The following JADE1 variants were observed in gnomAD, a reference collection of about 807,000 sequenced individuals.
JADE1 encodes protein Jade-1.
A neutral mutation model predicts 81.8 loss-of-function variants in JADE1; 14 were observed. The ratio of observed to expected loss-of-function variants is 0.17; its 90% CI spans 0.11 to 0.27. The LOEUF (loss-of-function observed/expected upper bound fraction) is 0.27. Among genes scored for constraint, JADE1 ranks in the 10% least tolerant of loss-of-function variants. JADE1 has a pLI of 1.00. For synonymous variants in JADE1, 353 were observed against 391.9 expected (o/e 0.90, Z 1.17); for missense variants, 690 against 1,047.9 (o/e 0.66, Z 4.71).
chr4:128,821,424 A>G lies in JADE1; in HGVS notation c.-26-10309A>G, dbSNP rs556001589. 3.3e-5 allele frequency among the ~76,000 whole-genome samples: 5 copies of G among 152,166 alleles called. No homozygotes were observed. The South Asian group carries it at 1.0e-3, about 32-fold the overall frequency. On this transcript the variant is annotated intron_variant, in intron 1 of 10. Transcript: ENST00000226319. ...CATAATTGCCAGCTACCTCTTGAACATAGCCTTTTTAAATTTTTTCCAAAG... is the reference window on the plus strand; with the variant it reads ...CATAATTGCCAGCTACCTCTTGAACGTAGCCTTTTTAAATTTTTTCCAAAG...
chr4:128,820,156 G>A (rs1727431121), intron 1 of JADE1, among the ~76,000 whole-genome samples: 1 of 151,460 alleles, frequency 6.6e-6, no homozygotes, highest in Admixed American at 6.6e-5. Context: ...TTGTCACCCA[G>A]GTTGGAGTGC....
intron 5 of JADE1, among the ~76,000 whole-genome samples, 173 bp downstream of exon 5, chr4:128,849,340 G>C (rs955262878): frequency 6.6e-6 from 1 of 152,190 alleles, no homozygotes; most frequent in African/African-American, 2.4e-5. Context: ...GGCTGTGTCA[G>C]ATGTGCTGAG....
chr4:128,863,811 T>A (rs1731570316), intron 9 of JADE1: 1 of 985,324 alleles, frequency 1.0e-6, no homozygotes, highest in Admixed American at 6.2e-5. Context: ...CCTGCTGTAA[T>A]TGGGGTGCAT....
chr4:128,846,366 C>T lies in JADE1; in HGVS notation c.139-9C>T, dbSNP rs1011324195. The T allele has an allele frequency of 6.2e-7, 1 of 1,613,232 alleles. No individual in the cohort carries two copies. Among genetic ancestry groups the T allele is most frequent in the East Asian group, 2.2e-5 (1 of 44,882 alleles). On this transcript the variant is annotated splice_polypyrimidine_tract_variant and intron_variant, in intron 3 of 10. Transcript: ENST00000226319. The surrounding 1 kb of genome is among the most constrained non-coding windows in gnomAD (Gnocchi z 4.0). The stretch of plus-strand genomic sequence containing the variant: ...TCAAATGTCAGTGTCCCTTTCTCTT[C>T]CTTTCCAGGTGTTTAGGACAGACCT...
intron 1 of JADE1, among the ~76,000 whole-genome samples, chr4:128,819,338 C>T (rs577895554): frequency 8.8e-4 from 134 of 152,210 alleles, no homozygotes; most frequent in Non-Finnish European, 1.5e-3. Context: ...GGCACGATCA[C>T]GGCTCAGCAA....
chr4:128,838,977 G>A (rs544692487), intron 2 of JADE1, among the ~76,000 whole-genome samples: 5 of 152,196 alleles, frequency 3.3e-5, no homozygotes, highest in South Asian at 2.1e-4. Flanking sequence ...GAGCTCAAAC[G>A]CATGTCTTCT....
intron 2 of JADE1, among the ~76,000 whole-genome samples, chr4:128,837,932 G>A (rs13143277): frequency 0.027 from 4,147 of 152,280 alleles, 83 homozygotes; most frequent in South Asian, 0.055. Flanking sequence ...AACCTTTCAT[G>A]CATGGCACAA....
intron 9 of JADE1, among the ~76,000 whole-genome samples, chr4:128,866,792 T>A (rs1241599251): frequency 2.6e-5 from 4 of 152,226 alleles, no homozygotes; most frequent in African/African-American, 9.6e-5. Flanking sequence ...CTACCACTCC[T>A]GCCACTGAGA....
At chr4:128,830,563 A>G (rs766181628) in intron 1 of JADE1, among the ~76,000 whole-genome samples, 5 of 152,108 alleles carry the variant, frequency 3.3e-5, no homozygotes, top group African/African-American at 4.8e-5. Flanking sequence ...CACATCATAC[A>G]TATTGTGATT....
chr4:128,851,240 G>A (rs1730328920), intron 5 of JADE1, among the ~76,000 whole-genome samples: 3 of 152,172 alleles, frequency 2.0e-5, no homozygotes, highest in African/African-American at 4.8e-5. Context: ...TTTTGCATTT[G>A]GTTAACTATG....
intron 6 of JADE1, 40 bp downstream of exon 6, chr4:128,852,308 C>A: frequency 6.5e-7 from 1 of 1,538,060 alleles, no homozygotes; most frequent in Non-Finnish European, 9.0e-7. Context: ...AAACCTGGGG[C>A]ATGAGCCTGT....
Position 128,871,923 on chromosome 4 carries a change from T to C in JADE1, c.2190T>C (p.Tyr730=), listed in dbSNP as rs1385383161. 3.1e-6 allele frequency: 5 copies of C among 1,613,930 alleles called. No individual in the cohort carries two copies. The highest frequency in any genetic ancestry group is 4.2e-6 in the Non-Finnish European group (5 of 1,179,978). Residue 730 remains tyrosine (Y), a synonymous_variant, in exon 11 of 11, where the codon TAT becomes TAC. Transcript: ENST00000226319. This position sits in a 1 kb window ranked among gnomAD's most constrained non-coding sequence, Gnocchi z 4.1. ...KCNGSLIKVN[Y]NQTAVKVPTT... is the part of the protein sequence containing the mutation. ...ATGGCTCCCTAATCAAAGTAAACTA[T>C]AATCAGACTGCAGTCAAAGTGCCTA... is the stretch of plus-strand genomic sequence containing the variant.
At chr4:128,833,632 T>G (rs547209742) in intron 2 of JADE1, among the ~76,000 whole-genome samples, 3 of 152,248 alleles carry the variant, frequency 2.0e-5, no homozygotes, top group African/African-American at 7.2e-5. Context: ...AGACGGAGGT[T>G]GCAGTGAGCC....
intron 1 of JADE1, among the ~76,000 whole-genome samples, chr4:128,824,542 A>C (rs1316250442): frequency 2.6e-5 from 4 of 152,240 alleles, no homozygotes; most frequent in Non-Finnish European, 5.9e-5. Flanking sequence ...ATTTGACAGA[A>C]TGGAAGGGCA....
At chr4:128,868,342 A>T (rs1273534976) in intron 10 of JADE1, among the ~76,000 whole-genome samples, 1 of 152,232 alleles carries the variant, frequency 6.6e-6, no homozygotes, top group Admixed American at 6.5e-5. Context: ...CATCATGGGG[A>T]TACCTAACAG....
intron 1 of JADE1, among the ~76,000 whole-genome samples, chr4:128,818,486 G>C (rs1215042523): frequency 6.6e-6 from 1 of 152,138 alleles, no homozygotes; most frequent in Admixed American, 6.6e-5. Flanking sequence ...TCGGTTGCTT[G>C]TCCAGCACCT....
chr4:128,829,643 A>G (rs1728365255), intron 1 of JADE1, among the ~76,000 whole-genome samples: 1 of 152,166 alleles, frequency 6.6e-6, no homozygotes, highest in Admixed American at 6.5e-5. Flanking sequence ...TGATGTTGAT[A>G]TTTTTATGTG....
chr4:128,872,450 A>G lies in JADE1; in HGVS notation c.*188A>G. ...TTGTGAGAAGTTTGTGTTATTTGCA[A>G]CTTGTTGAGGAAACAGAAGAGTAGA... On this transcript the variant is annotated 3_prime_UTR_variant, in exon 11 of 11. Transcript: ENST00000226319. The G allele has an allele frequency of 3.4e-6, 2 of 588,676 alleles. No homozygotes were observed. The highest frequency in any genetic ancestry group is 5.9e-6 in the Non-Finnish European group (2 of 336,910). The allele number at this position is 588,676 out of a possible 1,614,324, so 36.5% of individuals were successfully genotyped here.
chr4:128,872,995 T>C lies in JADE1; in HGVS notation c.*733T>C, dbSNP rs1347298754. ...GAGTGAGACTGTTAGGAAAGTTGTA[T>C]CTATGAATAAGGGCAGTTGAAGTAG... On this transcript the variant is annotated 3_prime_UTR_variant, in exon 11 of 11. Transcript: ENST00000226319. The C allele has an allele frequency of 4.5e-6, 2 of 449,358 alleles. No homozygotes were observed. The highest frequency in any genetic ancestry group is 4.0e-5 in the African/African-American group (2 of 49,722). The allele number at this position is 449,358 out of a possible 1,614,324, so 27.8% of individuals were successfully genotyped here. A position where few individuals can be genotyped will look rare whatever the true frequency, so the allele number is the denominator to read the frequency against.
Sources: allele counts gnomAD v4.1 joint callset (sites outside exome capture counted in the v4.1 genomes callset), GRCh38; gene constraint gnomAD v4.1.1; non-coding constraint Gnocchi (gnomAD v3.1); transcripts MANE v1.5; gene names NCBI Gene and HGNC (gene_info 2026-07-23, HGNC 2026-07-21).